The following DGKB variants were observed in gnomAD, a reference collection of about 807,000 sequenced individuals.
DGKB encodes 90 kDa diacylglycerol kinase.
In DGKB, 67 loss-of-function variants were observed where a neutral mutation model predicts 114.3. The ratio of observed to expected loss-of-function variants is 0.59; its 90% CI spans 0.48 to 0.72. The LOEUF is 0.72. Ranked by LOEUF, DGKB falls within the 30% of genes least tolerant of loss-of-function variation. The pLI, the probability that DGKB is intolerant of heterozygous loss-of-function variation, is 0.00. For synonymous variants in DGKB, 398 were observed against 323.1 expected, an observed-to-expected ratio of 1.23 and a Z score of -2.49; for missense variants, 907 against 975.2, an observed-to-expected ratio of 0.93 and a Z score of 0.93.
At chr7:14,284,172 A>C (rs1445871948) in intron 23 of DGKB, among the ~76,000 whole-genome samples, 2 of 151,542 alleles carry the variant, frequency 1.3e-5, no homozygotes, top group Non-Finnish European at 2.9e-5. Flanking sequence ...TTACAAGAAA[A>C]AAACAACCTC....
chr7:14,574,107 G>A (rs1359415749), intron 20 of DGKB, 105 bp downstream of exon 20: 2 of 873,752 alleles, frequency 2.3e-6, no homozygotes, highest in South Asian at 2.4e-5. Flanking sequence ...TGGCACAAAA[G>A]GTAAAATAAG....
intron 17 of DGKB, among the ~76,000 whole-genome samples, chr7:14,599,009 T>C (rs933619179): frequency 6.6e-6 from 1 of 152,222 alleles, no homozygotes; most frequent in Non-Finnish European, 1.5e-5. Flanking sequence ...CTTGTTTTTG[T>C]GTTTAAAGAA....
intron 21 of DGKB, among the ~76,000 whole-genome samples, chr7:14,381,743 G>A (rs562313995): frequency 5.3e-5 from 8 of 152,250 alleles, no homozygotes; most frequent in African/African-American, 1.9e-4. Context: ...TCCAGTAGCT[G>A]GAACTACAGG....
At chr7:14,618,270 A>G (rs920669721) in intron 15 of DGKB, among the ~76,000 whole-genome samples, 25 of 151,638 alleles carry the variant, frequency 1.6e-4, no homozygotes, top group African/African-American at 5.3e-4. Flanking sequence ...CAAGAATAAG[A>G]TATTACAAAT....
chr7:14,847,134 C>CA (rs1164672694), intron 1 of DGKB, among the ~76,000 whole-genome samples: 5 of 151,764 alleles, frequency 3.3e-5, no homozygotes, highest in African/African-American at 9.7e-5. Context: ...ACTAAAAATA[C>CA]AAAAAAATTA....
chr7:14,852,595 A>G (rs985759717), intron 1 of DGKB, among the ~76,000 whole-genome samples: 1 of 151,694 alleles, frequency 6.6e-6, no homozygotes, highest in Non-Finnish European at 1.5e-5. Context: ...TTTTTGTTAT[A>G]TTTGTTTTTG....
At chr7:14,386,093 A>C (rs1028531134) in intron 21 of DGKB, among the ~76,000 whole-genome samples, 2 of 152,240 alleles carry the variant, frequency 1.3e-5, no homozygotes, top group African/African-American at 2.4e-5. Context: ...TGAACATAGA[A>C]ACTTTAATAT....
chr7:14,332,704 A>C (rs1809946114), intron 23 of DGKB, among the ~76,000 whole-genome samples: 1 of 152,320 alleles, frequency 6.6e-6, no homozygotes, highest in Admixed American at 6.5e-5. Flanking sequence ...TTAAACTTTT[A>C]AAACATTCAT....
At chr7:14,720,864 A>C (rs1198089979) in intron 5 of DGKB, among the ~76,000 whole-genome samples, 1 of 152,026 alleles carries the variant, frequency 6.6e-6, no homozygotes, top group African/African-American at 2.4e-5. Context: ...AAAAAAAAAA[A>C]AAGACCGGAA....
At chr7:14,176,429 A>G (rs1393508713) in intron 25 of DGKB, 26 of 986,720 alleles carry the variant, frequency 2.6e-5, no homozygotes, top group Non-Finnish European at 3.0e-5. Context: ...AAATGGAGGC[A>G]TAGAAAAGCT....
intron 23 of DGKB, among the ~76,000 whole-genome samples, chr7:14,190,631 G>C (rs1007976769): frequency 1.3e-5 from 2 of 151,510 alleles, no homozygotes; most frequent in Non-Finnish European, 2.9e-5. Context: ...AAATGATAAA[G>C]GAAAATCAAT....
At chr7:14,427,056 T>C (rs1827682227) in intron 21 of DGKB, among the ~76,000 whole-genome samples, 1 of 150,680 alleles carries the variant, frequency 6.6e-6, no homozygotes, top group Non-Finnish European at 1.5e-5. Context: ...TGAAACACTC[T>C]CAAAAAATAC....
intron 13 of DGKB, among the ~76,000 whole-genome samples, chr7:14,631,263 C>CAAAAA (rs35088925): frequency 1.7e-4 from 17 of 98,376 alleles, no homozygotes; most frequent in South Asian, 3.5e-4. Flanking sequence ...CAGCAAGAAC[C>CAAAAA]AAAAAAAAAA....
chr7:14,638,134 T>TC (rs2128867869), intron 13 of DGKB, among the ~76,000 whole-genome samples: 1 of 152,220 alleles, frequency 6.6e-6, no homozygotes. Context: ...CCCTTTATAT[T>TC]CTCTACCTGC....
intron 4 of DGKB, among the ~76,000 whole-genome samples, chr7:14,738,695 C>A (rs781602540): frequency 2.0e-5 from 3 of 152,212 alleles, no homozygotes; most frequent in Non-Finnish European, 4.4e-5. Flanking sequence ...CATTACTTCA[C>A]ATGTTTTCAT....
intron 2 of DGKB, among the ~76,000 whole-genome samples, chr7:14,821,583 T>C (rs1844940034): frequency 6.6e-6 from 1 of 152,158 alleles, no homozygotes; most frequent in African/African-American, 2.4e-5. Context: ...ACAAGACTAG[T>C]GTGGCTGATC....
chr7:14,639,137 T>A (rs2128869922), intron 13 of DGKB, among the ~76,000 whole-genome samples: 1 of 152,216 alleles, frequency 6.6e-6, no homozygotes, highest in African/African-American at 2.4e-5. Context: ...TACAGACACA[T>A]GCAAACATGG....
At chr7:14,581,476 C>G (rs1276188738) in intron 18 of DGKB, among the ~76,000 whole-genome samples, 1 of 152,134 alleles carries the variant, frequency 6.6e-6, no homozygotes, top group Admixed American at 6.5e-5. Flanking sequence ...TGTGTCAGAG[C>G]AAATGGAACA....
At chr7:14,619,255 T>C (rs1193643803) in intron 15 of DGKB, among the ~76,000 whole-genome samples, 2 of 151,516 alleles carry the variant, frequency 1.3e-5, no homozygotes, top group Non-Finnish European at 3.0e-5. Context: ...CACTTTTATA[T>C]GTCAAAGAAA....
Sources: allele counts gnomAD v4.1 joint callset (sites outside exome capture counted in the v4.1 genomes callset), GRCh38; gene constraint gnomAD v4.1.1; transcripts MANE v1.5; gene names NCBI Gene and HGNC (gene_info 2026-07-23, HGNC 2026-07-21).